The following TPST2 variants were observed in gnomAD, a reference collection of about 807,000 sequenced individuals.
The protein encoded by TPST2 is tyrosylprotein sulfotransferase 2, also known as protein-tyrosine sulfotransferase 2.
TPST2 carries 16 observed loss-of-function variants against 27.8 expected under a neutral mutation model. The observed-to-expected ratio is 0.58, with a 90% CI of 0.39 to 0.88. The LOEUF is 0.88. Among genes scored for constraint, TPST2 ranks in the 40% least tolerant of loss-of-function variants. The pLI is 0.00. For synonymous variants in TPST2, 229 were observed against 231.7 expected (o/e 0.99, Z 0.10); for missense variants, 464 against 543.1 (o/e 0.85, Z 1.45).
At chr22:26,538,035 G>T (rs2147184251) in intron 3 of TPST2, among the ~76,000 whole-genome samples, 1 of 152,196 alleles carries the variant, frequency 6.6e-6, no homozygotes, top group African/African-American at 2.4e-5. Flanking sequence ...CCTGTAACAG[G>T]CTTCCCAAGC....
In TPST2 at chr22:26,585,274, C is replaced by A. The variant is rs180757037; in HGVS notation, c.-161+4779G>T. 3.7e-4 allele frequency among the ~76,000 whole-genome samples: 56 copies of A among 152,292 alleles called. No individual in the cohort carries two copies. The East Asian group carries it at 8.1e-3, about 22-fold the overall frequency. On this transcript the variant is annotated intron_variant, in intron 1 of 6. Coordinates refer to ENST00000338754, the MANE Select transcript of TPST2 (RefSeq NM_003595.5). ...AGTCACTCGGCAGACGGGCTGGCTG[C>A]CCGCCATCTGAGCACATAGGATAAG... is the stretch of plus-strand genomic sequence containing the variant.
chr22:26,569,930 T>A (rs1927535523), intron 1 of TPST2, among the ~76,000 whole-genome samples: 1 of 128,586 alleles, frequency 7.8e-6, no homozygotes, highest in Non-Finnish European at 1.6e-5. Context: ...CCAGCCTGGG[T>A]GTCAGAGCAA....
At chr22:26,580,538 T>TC (rs1038207839) in intron 1 of TPST2, among the ~76,000 whole-genome samples, 67 of 152,170 alleles carry the variant, frequency 4.4e-4, no homozygotes, top group African/African-American at 1.6e-3. Context: ...GTTAATTACA[T>TC]CCAGAACCCC....
intron 1 of TPST2, among the ~76,000 whole-genome samples, chr22:26,570,033 A>AAGACAGACAGAC (rs1347484118): frequency 7.9e-6 from 1 of 127,322 alleles, no homozygotes; most frequent in African/African-American, 3.4e-5. Flanking sequence ...GAAAGAAAGA[A>AAGACAGACAGAC]AGAAAGAAAG....
chr22:26,573,837 C>T (rs17404166), intron 1 of TPST2, among the ~76,000 whole-genome samples: 5,492 of 152,236 alleles, frequency 0.036, 160 homozygotes, highest in Non-Finnish European at 0.057. Flanking sequence ...ACTACGAATC[C>T]GGTTTCCTGA....
At chr22:26,542,334 C>T (rs991598436) in intron 2 of TPST2, among the ~76,000 whole-genome samples, 1 of 152,052 alleles carries the variant, frequency 6.6e-6, no homozygotes, top group South Asian at 2.1e-4. Context: ...AATCCTCTGC[C>T]TCAGCCTCCC....
rs71192941 is a variant in TPST2, at chr22:26,558,120, T to TAC, written c.-160-13447_-160-13446dup. Among the ~76,000 whole-genome samples the TAC allele has an allele frequency of 3.0e-3, 418 of 141,420 alleles. 3 individuals carry two copies. Among genetic ancestry groups the TAC allele is most frequent in the Middle Eastern group, 0.014 (4 of 278 alleles). 92.8% of individuals were successfully genotyped at this position (141,420 alleles called of 152,430 possible). A position where few individuals can be genotyped will look rare whatever the true frequency, so the allele number is the denominator to read the frequency against. The stretch of plus-strand genomic sequence containing the variant: ...AATTATTATATAAAAATATATATAA[T>TAC]ACACACACACACACACACACACACA... On this transcript the variant is annotated intron_variant, in intron 1 of 6. Coordinates refer to ENST00000338754, the MANE Select transcript of TPST2 (RefSeq NM_003595.5).
intron 1 of TPST2, among the ~76,000 whole-genome samples, chr22:26,588,975 G>T (rs1928446824): frequency 6.6e-6 from 1 of 152,200 alleles, no homozygotes; most frequent in Non-Finnish European, 1.5e-5. Context: ...AAAACAGGAA[G>T]CACCCAACAA....
intron 1 of TPST2, among the ~76,000 whole-genome samples, chr22:26,563,137 G>T (rs1052858727): frequency 7.9e-5 from 12 of 152,066 alleles, no homozygotes; most frequent in African/African-American, 2.9e-4. Flanking sequence ...AGGTCTTTCC[G>T]TGTCAGCATG....
At chr22:26,578,393 G>A (rs1927944206) in intron 1 of TPST2, among the ~76,000 whole-genome samples, 1 of 152,276 alleles carries the variant, frequency 6.6e-6, no homozygotes, top group African/African-American at 2.4e-5. Context: ...CAGGGCTCAA[G>A]GAGACCACGC....
At chr22:26,561,070 A>G in intron 1 of TPST2, 2 of 1,597,848 alleles carry the variant, frequency 1.3e-6, no homozygotes, top group South Asian at 2.2e-5. Context: ...GAAAAAAGCA[A>G]GAAAAAGAAG....
At chr22:26,560,932 C>A (rs1927055069) in intron 1 of TPST2, 6 of 1,609,246 alleles carry the variant, frequency 3.7e-6, no homozygotes, top group Non-Finnish European at 3.4e-6. Context: ...TGGAATAACA[C>A]TGCCGCAGAT....
At chr22:26,564,866 A>G (rs964050082) in intron 1 of TPST2, among the ~76,000 whole-genome samples, 1 of 152,136 alleles carries the variant, frequency 6.6e-6, no homozygotes, top group African/African-American at 2.4e-5. Flanking sequence ...ACTCATCTGA[A>G]TTCTGCCTCT....
intron 1 of TPST2, among the ~76,000 whole-genome samples, chr22:26,563,125 C>T (rs1274525223): frequency 6.6e-6 from 1 of 152,106 alleles, no homozygotes; most frequent in Non-Finnish European, 1.5e-5. Context: ...TCACTGAACA[C>T]GAGGTCTTTC....
intron 1 of TPST2, among the ~76,000 whole-genome samples, chr22:26,581,132 CT>C (rs61500211): frequency 6.6e-6 from 1 of 152,190 alleles, no homozygotes; most frequent in East Asian, 1.9e-4. Context: ...CACCTCCAAA[CT>C]TTTGCACTTG....
chr22:26,530,476 C>G (rs1184895329), intron 5 of TPST2, among the ~76,000 whole-genome samples: 1 of 151,976 alleles, frequency 6.6e-6, no homozygotes, highest in Non-Finnish European at 1.5e-5. Context: ...CTGATTCTGC[C>G]TCTCTTCTGT....
chr22:26,567,344 A>G (rs1044155554), intron 1 of TPST2, among the ~76,000 whole-genome samples: 4 of 152,194 alleles, frequency 2.6e-5, no homozygotes, highest in Non-Finnish European at 5.9e-5. Flanking sequence ...GGCCTTGCTC[A>G]CTGTTTATTT....
intron 4 of TPST2, 125 bp downstream of exon 4, chr22:26,536,163 C>T (rs1168817937): frequency 8.0e-7 from 1 of 1,243,986 alleles, no homozygotes; most frequent in South Asian, 1.3e-5. Context: ...GTCCATCAGA[C>T]AGGAACAAAT....
intron 1 of TPST2, among the ~76,000 whole-genome samples, chr22:26,568,530 T>C (rs373064774): frequency 6.6e-6 from 1 of 152,132 alleles, no homozygotes; most frequent in East Asian, 1.9e-4. Flanking sequence ...AAAACCAAGA[T>C]GGCAACAAAA....
Sources: gnomAD v4.1 joint callset for allele counts (sites outside exome capture counted in the v4.1 genomes callset) on GRCh38, gnomAD v4.1.1 for gene constraint, MANE v1.5 for transcripts, NCBI Gene and HGNC (gene_info 2026-07-23, HGNC 2026-07-21) for gene names.